CEP44: variants seen among roughly 807,000 people sequenced by gnomAD.
CEP44 encodes centrosomal protein 44.
Under a neutral mutation model 46.7 loss-of-function variants are expected in CEP44, and 45 were observed. The observed-to-expected ratio is 0.96, with a 90% confidence interval of 0.76 to 1.24. CEP44 has a LOEUF of 1.24. Among genes scored for constraint, CEP44 ranks in the 50% most tolerant of loss-of-function variants. The pLI is 0.00. For missense variants in CEP44, 475 were observed against 459.7 expected, an observed-to-expected ratio of 1.03 and a Z score of -0.30; for synonymous variants, 142 against 146.0, an observed-to-expected ratio of 0.97 and a Z score of 0.20.
Position 174,331,555 on chromosome 4 carries a change from T to C in CEP44, c.1160T>C (p.Leu387Pro). ...CTGCTCCGTGGGCATACTTCATACC[T>C]TTCATCACAGAGCTTTGCTTGGCCT... The change falls in exon 9 of 9, where the codon CTT (leucine) becomes CCT (proline). Residue 387 changes from leucine to proline, a missense_variant. By Grantham distance (98) the Leu-to-Pro change is moderately conservative. Transcript: ENST00000426172. The surrounding 1 kb of genome is among the most constrained non-coding windows in gnomAD (Gnocchi z 4.5). The C allele has an allele frequency of 2.6e-6, 4 of 1,551,550 alleles. No individual in the cohort carries two copies. Among genetic ancestry groups the C allele is most frequent in the Non-Finnish European group, 3.5e-6 (4 of 1,146,898 alleles).
Position 174,314,731 on chromosome 4 carries a change from T to C in CEP44, c.962-1435T>C, listed in dbSNP as rs778202649. Among the ~76,000 whole-genome samples the C allele has an allele frequency of 2.0e-5, 3 of 152,352 alleles. No homozygotes were observed. The highest frequency in any genetic ancestry group is 1.9e-4 in the East Asian group (1 of 5,186). On this transcript the variant is annotated intron_variant, in intron 9 of 11. Coordinates refer to ENST00000503780, the MANE Select transcript of CEP44 (RefSeq NM_001040157.3). This position sits in a 1 kb window ranked among gnomAD's most constrained non-coding sequence, Gnocchi z 4.1. ...TCCAAGATTTAGTGCATAGTAGATA[T>C]AGTTCCTGCCTAATTTCAAATTATT...
downstream of CEP44, among the ~76,000 whole-genome samples, chr4:174,321,552 A>G (rs531501683): frequency 5.3e-5 from 8 of 152,274 alleles, no homozygotes; most frequent in African/African-American, 1.7e-4. Flanking sequence ...CATCTTTGAA[A>G]TATCTGTGTT....
chr4:174,328,652 G>A (rs992129079), intron 8 of CEP44, among the ~76,000 whole-genome samples: 3 of 152,104 alleles, frequency 2.0e-5, no homozygotes, highest in Admixed American at 2.0e-4. Context: ...TAATTTTTAG[G>A]AGCAACTCAA....
Position 174,301,913 on chromosome 4 carries a change from T to A in CEP44, c.90-126T>A. 2.5e-6 allele frequency: 2 copies of A among 802,460 alleles called. No individual in the cohort carries two copies. Among genetic ancestry groups the A allele is most frequent in the Non-Finnish European group, 3.8e-6 (2 of 529,398 alleles). 49.7% of individuals were successfully genotyped at this position (802,460 alleles called of 1,614,324 possible). On this transcript the variant is annotated intron_variant, in intron 3 of 11. Transcript: ENST00000503780. The surrounding 1 kb of genome is among the most constrained non-coding windows in gnomAD (Gnocchi z 4.3). ...TAGAAAGTCTCATGTATCACCTAAT[T>A]ATTATAGCTATAGTGTTAAGTTTTA... is the stretch of plus-strand genomic sequence containing the variant.
chr4:174,299,461 C>T (rs971032490), intron 3 of CEP44, among the ~76,000 whole-genome samples: 2 of 152,104 alleles, frequency 1.3e-5, no homozygotes, highest in Non-Finnish European at 1.5e-5. Flanking sequence ...AAGTTATAAT[C>T]TCTGTACAGC....
rs1560894286 is a variant in CEP44 at position 174,297,295 on chromosome 4, C to T, written c.-147-671C>T. ...TTTTGAAATTTTTTCTCTATATTAT[C>T]TCTATTTCCACCAAATTTTTCTTCT... On this transcript the variant is annotated intron_variant, in intron 1 of 11. Coordinates refer to ENST00000503780, the MANE Select transcript of CEP44 (RefSeq NM_001040157.3). The surrounding 1 kb of genome is among the most constrained non-coding windows in gnomAD (Gnocchi z 4.3). Among the ~76,000 whole-genome samples the T allele has an allele frequency of 6.6e-6, 1 of 151,612 alleles. No individual in the cohort carries two copies. The highest frequency in any genetic ancestry group is 6.6e-5 in the Admixed American group (1 of 15,228).
At position 174,317,382 on chromosome 4, in the gene CEP44, A is replaced by T; in HGVS notation, c.1172A>T (p.Ter391LeuextTer35). 7.0e-7 allele frequency: 1 copy of T among 1,419,922 alleles called. No homozygotes were observed. Among genetic ancestry groups the T allele is most frequent in the Non-Finnish European group, 9.4e-7 (1 of 1,068,798 alleles). The allele number at this position is 1,419,922 out of a possible 1,614,324, so 88.0% of individuals were successfully genotyped here. A position where few individuals can be genotyped will look rare whatever the true frequency, so the allele number is the denominator to read the frequency against. The change falls in exon 12 of 12, where the codon TAG becomes TTG. Residue 391 changes from the stop codon to leucine (L), a stop_lost. Coordinates refer to ENST00000503780, the MANE Select transcript of CEP44 (RefSeq NM_001040157.3). ...ELLKCPNHYL[*>L] Reference sequence around the variant, plus strand: ...CTGAAATGTCCAAATCACTACTTGTAGGATTTTCTACATGAACTTTTTTCT... The same window carrying T: ...CTGAAATGTCCAAATCACTACTTGTTGGATTTTCTACATGAACTTTTTTCT...
At position 174,286,725 on chromosome 4, in the gene CEP44, T is replaced by C. The variant is rs1293146856; in HGVS notation, c.-148+2782T>C. 6.6e-6 allele frequency among the ~76,000 whole-genome samples: 1 copy of C among 152,230 alleles called. No individual in the cohort carries two copies. The highest frequency in any genetic ancestry group is 1.9e-4 in the East Asian group (1 of 5,190). On this transcript the variant is annotated intron_variant, in intron 1 of 11. Transcript: ENST00000503780. This position sits in a 1 kb window ranked among gnomAD's most constrained non-coding sequence, Gnocchi z 5.2. ...AAAGTCCCACTCCATGCAAGAAAAT[T>C]AGTCATTTAGAAATAAATTCCATGC...
chr4:174,322,757 G>A (rs2126692040), downstream of CEP44, among the ~76,000 whole-genome samples: 1 of 152,176 alleles, frequency 6.6e-6, no homozygotes, highest in East Asian at 1.9e-4. Flanking sequence ...GTAAGCAACT[G>A]TTAGCTGATT....
chr4:174,283,769 G>A (rs1166446417), upstream of CEP44: 1 of 397,752 alleles, frequency 2.5e-6, no homozygotes, highest in East Asian at 3.6e-5. This position sits in a 1 kb window ranked among gnomAD's most constrained non-coding sequence, Gnocchi z 6.7. Flanking sequence ...CGTAGCACGA[G>A]CCACTCTGAC....
intron 1 of CEP44, among the ~76,000 whole-genome samples, chr4:174,293,132 G>T (rs1289042881): frequency 2.0e-5 from 3 of 152,230 alleles, no homozygotes; most frequent in Non-Finnish European, 2.9e-5. Flanking sequence ...CAGGTCTGCG[G>T]TTGTGGGCCT....
chr4:174,320,911 CAT>C (rs1742274011), downstream of CEP44, among the ~76,000 whole-genome samples: 3 of 151,984 alleles, frequency 2.0e-5, no homozygotes, highest in South Asian at 6.2e-4. Context: ...ATCGAAGAAA[CAT>C]AGTAAGAGTG....
In CEP44 at chr4:174,318,109, G is replaced by T; in HGVS notation, c.*726G>T. ...ATGGAGTTTCGCTGTTGTTGCCCAG[G>T]CTGGAGTGCAATAGCACGATCTTGG... On this transcript the variant is annotated 3_prime_UTR_variant, in exon 12 of 12. Transcript: ENST00000503780. 1.0e-6 allele frequency: 1 copy of T among 969,464 alleles called. No homozygotes were observed. Among genetic ancestry groups the T allele is most frequent in the Non-Finnish European group, 1.2e-6 (1 of 815,458 alleles). 60.1% of individuals were successfully genotyped at this position (969,464 alleles called of 1,614,324 possible). A position where few individuals can be genotyped will look rare whatever the true frequency, so the allele number is the denominator to read the frequency against.
rs1740954463 is a variant in CEP44 at position 174,310,464 on chromosome 4, T to C, written c.886-319T>C. Among the ~76,000 whole-genome samples the C allele has an allele frequency of 6.6e-6, 1 of 151,982 alleles. No individual in the cohort carries two copies. The highest frequency in any genetic ancestry group is 2.4e-5 in the African/African-American group (1 of 41,440). On this transcript the variant is annotated intron_variant, in intron 8 of 11. Transcript: ENST00000503780. This position sits in a 1 kb window ranked among gnomAD's most constrained non-coding sequence, Gnocchi z 4.2. ...TTTCACTCATTTACTTCAATCATAT[T>C]GTGAATTTCATAGAATAGTTACCAG... is the stretch of plus-strand genomic sequence containing the variant.
rs1015945986 is a variant in CEP44, at chr4:174,295,589, G to A, written c.-147-2377G>A. Among the ~76,000 whole-genome samples, 8 of 151,744 alleles carry A rather than the reference G, an allele frequency of 5.3e-5. No individual in the cohort carries two copies. In the East Asian group the frequency reaches 9.7e-4, roughly 18 times the overall value. ...CTCCTCACTTCCCAGACGGGGTGGCGGCCGGGCAGAGGCTGCAATCTTGGC... is the reference window on the plus strand; with the variant it reads ...CTCCTCACTTCCCAGACGGGGTGGCAGCCGGGCAGAGGCTGCAATCTTGGC... On this transcript the variant is annotated intron_variant, in intron 1 of 11. Coordinates refer to ENST00000503780, the MANE Select transcript of CEP44 (RefSeq NM_001040157.3).
chr4:174,311,880 G>C lies in CEP44; in HGVS notation c.961+1022G>C, dbSNP rs1741120503. Among the ~76,000 whole-genome samples the C allele has an allele frequency of 6.6e-6, 1 of 152,188 alleles. No homozygotes were observed. The highest frequency in any genetic ancestry group is 1.5e-5 in the Non-Finnish European group (1 of 68,024). The stretch of plus-strand genomic sequence containing the variant: ...AAAGAACAATTTCAGTGATTAGCTT[G>C]TTAAGTATAATTATTTGAGATGCTA... On this transcript the variant is annotated intron_variant, in intron 9 of 11. Coordinates refer to ENST00000503780, the MANE Select transcript of CEP44 (RefSeq NM_001040157.3). This position sits in a 1 kb window ranked among gnomAD's most constrained non-coding sequence, Gnocchi z 4.4.
Position 174,317,351 on chromosome 4 carries a change from G to T in CEP44, c.1141G>T (p.Glu381Ter). 7.1e-7 allele frequency: 1 copy of T among 1,399,380 alleles called. No individual in the cohort carries two copies. The highest frequency in any genetic ancestry group is 1.4e-5 in the African/African-American group (1 of 69,638). 86.7% of individuals were successfully genotyped at this position (1,399,380 alleles called of 1,614,324 possible). Residue 381 changes from glutamate (E) to a stop codon, truncating the protein, a stop_gained, in exon 12 of 12, where the codon GAG becomes TAG. Transcript: ENST00000503780. LOFTEE classifies it high-confidence loss of function. The stretch of plus-strand genomic sequence containing the variant: ...ATATTTCAGGTTTGAAGAAACTGCA[G>T]AGTTACTGAAATGTCCAAATCACTA... ...RMKKMFEETA[E>*]LLKCPNHYL
At chr4:174,299,042 A>T in intron 2 of CEP44, 30 bp from the exon 3 acceptor site, 1 of 1,242,038 alleles carries the variant, frequency 8.1e-7, no homozygotes, top group Non-Finnish European at 1.2e-6. Context: ...ACAGAGACTT[A>T]ACCAGTATTT....
chr4:174,296,739 AGAT>A lies in CEP44; in HGVS notation c.-147-1223_-147-1221del, dbSNP rs200027857. ...TAAATATTTGTTATATCCAGTTGAT[AGAT>A]GATATTGTTTGTCCTTACTGATTTT... On this transcript the variant is annotated intron_variant, in intron 1 of 11. Transcript: ENST00000503780. Among the ~76,000 whole-genome samples, 817 of 147,084 alleles carry A rather than the reference AGAT, an allele frequency of 5.6e-3. 8 individuals carry two copies. The highest frequency in any genetic ancestry group is 0.019 in the African/African-American group (765 of 40,018).
Sources: gnomAD v4.1 joint callset for allele counts (sites outside exome capture counted in the v4.1 genomes callset) on GRCh38, gnomAD v4.1.1 for gene constraint, Gnocchi (gnomAD v3.1) non-coding constraint, MANE v1.5 for transcripts, NCBI Gene and HGNC (gene_info 2026-07-23, HGNC 2026-07-21) for gene names.